CCP110: variants seen among roughly 807,000 people sequenced by gnomAD.
CCP110 encodes centriolar coiled-coil protein of 110 kDa.
In CCP110, 43 loss-of-function variants were observed where a neutral mutation model predicts 105.5. The observed-to-expected ratio is 0.41, with a 90% CI of 0.32 to 0.53. The LOEUF (loss-of-function observed/expected upper bound fraction) is 0.53. CCP110 is among the 20% of genes least tolerant of loss of function. The pLI is 0.32. For synonymous variants in CCP110, 353 were observed against 392.1 expected, an observed-to-expected ratio of 0.90 and a Z score of 1.18; for missense variants, 1,016 against 1,189.1, an observed-to-expected ratio of 0.85 and a Z score of 2.14.
chr16:19,540,886 A>G (rs1970253675), intron 5 of CCP110, 99 bp downstream of exon 5: 1 of 975,350 alleles, frequency 1.0e-6, no homozygotes, highest in South Asian at 1.8e-5. Flanking sequence ...TTTTGCCTCC[A>G]TATATCTTAA....
rs1158767555 is a variant in CCP110, at chr16:19,528,919, T to G, written c.141+897T>G. On this transcript the variant is annotated intron_variant, in intron 2 of 14. Transcript: ENST00000381396. The stretch of plus-strand genomic sequence containing the variant: ...GAAGGAAAAAAACTCCAGCCTGGGC[T>G]AACAGAGCAAGACCCTATCCCAAAA... 4.6e-5 allele frequency among the ~76,000 whole-genome samples: 7 copies of G among 152,022 alleles called. 1 individual carries two copies. Among genetic ancestry groups the G allele is most frequent in the African/African-American group, 1.7e-4 (7 of 41,400 alleles).
chr16:19,551,966 A>G (rs1202393256), exon 15 of CCP110: 1 of 152,240 alleles, frequency 6.6e-6, no homozygotes, highest in Non-Finnish European at 1.5e-5. Flanking sequence ...TGGGGAAGAC[A>G]GCACAATCTT....
chr16:19,540,199 C>G (rs1970228624), intron 4 of CCP110, among the ~76,000 whole-genome samples: 1 of 152,220 alleles, frequency 6.6e-6, no homozygotes, highest in African/African-American at 2.4e-5. Context: ...AACGTCCAGT[C>G]CTTTTTGAAA....
intron 1 of CCP110, chr16:19,526,285 T>G (rs546549959): frequency 6.6e-6 from 1 of 152,338 alleles, no homozygotes; most frequent in Admixed American, 6.5e-5. Flanking sequence ...ATGCTTTGCT[T>G]GAGTATCCAT....
chr16:19,537,136 A>G (rs1970097168), exon 4 of CCP110: 2 of 1,614,218 alleles, frequency 1.2e-6, no homozygotes, highest in Non-Finnish European at 1.7e-6. Flanking sequence ...CCGATGAGAG[A>G]GGCGCACACA....
At chr16:19,533,772 A>G (rs901931023) in intron 3 of CCP110, among the ~76,000 whole-genome samples, 1 of 152,180 alleles carries the variant, frequency 6.6e-6, no homozygotes, top group Admixed American at 6.5e-5. Context: ...TTTGGGGCCT[A>G]CGAGGAATTT....
chr16:19,536,210 C>T, exon 4 of CCP110: 1 of 1,614,048 alleles, frequency 6.2e-7, no homozygotes, highest in Non-Finnish European at 8.5e-7. Flanking sequence ...CAATATTAGT[C>T]ATGTAGAAAA....
At chr16:19,546,646 T>G in intron 12 of CCP110, 172 bp downstream of exon 12, 1 of 449,518 alleles carries the variant, frequency 2.2e-6, no homozygotes. Flanking sequence ...GAAAACCCCA[T>G]CTCTACTAAA....
chr16:19,528,020 C>A, exon 2 of CCP110: 1 of 1,600,086 alleles, frequency 6.2e-7, no homozygotes, highest in Admixed American at 1.8e-5. Context: ...CCTTTCTCCA[C>A]TGGTAAACTT....
chr16:19,536,181 C>T lies in CCP110; in HGVS notation c.512C>T (p.Pro171Leu), dbSNP rs3751821. 165,827 of 1,613,600 alleles carry T rather than the reference C, an allele frequency of 0.1. 13,971 individuals are homozygous for T. The highest frequency in any genetic ancestry group is 0.39 in the East Asian group (17,518 of 44,824). The change falls in exon 4 of 15, where the codon CCG (proline) becomes CTG (leucine). Residue 171 changes from proline to leucine, a missense_variant. Coordinates refer to ENST00000381396, the Ensembl canonical transcript of CCP110. ...AGAGATTCAGAAGGATTTAATTCTC[C>T]GAAGCAATGTGATAGTTCCAATATT...
At chr16:19,535,232 C>T (rs1970009285) in intron 3 of CCP110, among the ~76,000 whole-genome samples, 1 of 152,088 alleles carries the variant, frequency 6.6e-6, no homozygotes, top group Admixed American at 6.6e-5. Flanking sequence ...TGATTTTTGC[C>T]AGTTTAATAT....
chr16:19,544,259 A>G (rs1196252841), intron 8 of CCP110, among the ~76,000 whole-genome samples: 1 of 152,228 alleles, frequency 6.6e-6, no homozygotes, highest in East Asian at 1.9e-4. Context: ...AATCTTTCTC[A>G]GATAATATTA....
exon 15 of CCP110, chr16:19,552,576 C>T (rs984076951): frequency 1.3e-5 from 2 of 148,432 alleles, no homozygotes; most frequent in African/African-American, 2.5e-5. Flanking sequence ...ACCAAGATAA[C>T]GTGACTTCAT....
intron 8 of CCP110, among the ~76,000 whole-genome samples, chr16:19,543,791 C>G (rs2151479787): frequency 6.6e-6 from 1 of 152,156 alleles, no homozygotes; most frequent in African/African-American, 2.4e-5. Flanking sequence ...CCTGCAGTAC[C>G]CTCAGGCTTA....
chr16:19,538,972 C>T (rs915106251), intron 4 of CCP110, among the ~76,000 whole-genome samples: 1 of 151,738 alleles, frequency 6.6e-6, no homozygotes, highest in East Asian at 2.0e-4. Flanking sequence ...ATTAGCTGGG[C>T]GTAGTGGTGC....
exon 4 of CCP110, chr16:19,536,990 T>G: frequency 6.2e-7 from 1 of 1,614,234 alleles, no homozygotes; most frequent in South Asian, 1.1e-5. Context: ...AAGCAAGGTT[T>G]ATGTGGGCAA....
chr16:19,543,626 T>C (rs1475291174), intron 8 of CCP110, among the ~76,000 whole-genome samples: 1 of 152,206 alleles, frequency 6.6e-6, no homozygotes, highest in Non-Finnish European at 1.5e-5. Context: ...GACGTGCAAG[T>C]AGGGAAGATA....
chr16:19,536,205 T>C (rs1970050071), exon 4 of CCP110: 3 of 1,613,986 alleles, frequency 1.9e-6, no homozygotes, highest in Non-Finnish European at 2.5e-6. Flanking sequence ...AGTTCCAATA[T>C]TAGTCATGTA....
intron 3 of CCP110, among the ~76,000 whole-genome samples, chr16:19,535,139 C>G (rs1970005465): frequency 2.0e-5 from 3 of 152,084 alleles, no homozygotes; most frequent in Non-Finnish European, 4.4e-5. Flanking sequence ...CTCGGCCTCC[C>G]AAAGTGCTGG....
Sources: gnomAD v4.1 joint callset for allele counts (sites outside exome capture counted in the v4.1 genomes callset) on GRCh38, gnomAD v4.1.1 for gene constraint, MANE v1.5 for transcripts, NCBI Gene and HGNC (gene_info 2026-07-23, HGNC 2026-07-21) for gene names.